Variants in STAU1 observed in about 807,000 individuals in gnomAD.
The protein encoded by STAU1 is double-stranded RNA-binding protein Staufen homolog 1.
Under a neutral mutation model 62.9 loss-of-function variants are expected in STAU1, and 13 were observed. The observed-to-expected ratio is 0.21, with a 90% CI of 0.13 to 0.33. The LOEUF is 0.33. Ranked by LOEUF, STAU1 falls within the 10% of genes least tolerant of loss-of-function variation. The pLI is 1.00. For synonymous variants in STAU1, 269 were observed against 265.1 expected (o/e 1.01, Z -0.14); for missense variants, 571 against 712.1 (o/e 0.80, Z 2.25).
intron 1 of STAU1, among the ~76,000 whole-genome samples, chr20:49,174,933 CAAAA>C (rs551431293): frequency 8.4e-5 from 5 of 59,460 alleles, no homozygotes; most frequent in Admixed American, 1.9e-4. Context: ...GACTCCGTCA[CAAAA>C]AAAAAAAAAA....
At chr20:49,160,250 C>A (rs1360404076) in intron 3 of STAU1, among the ~76,000 whole-genome samples, 1 of 152,214 alleles carries the variant, frequency 6.6e-6, no homozygotes, top group African/African-American at 2.4e-5. Context: ...CCGTATTATG[C>A]TACGGTGACT....
the STAU1 span, among the ~76,000 whole-genome samples, chr20:49,218,737 T>A: frequency 2.7e-4 from 41 of 152,080 alleles, no homozygotes; most frequent in South Asian, 8.1e-3. Context: ...CAATAAACAT[T>A]AATTTTAATT....
upstream of STAU1, among the ~76,000 whole-genome samples, chr20:49,189,607 G>A (rs563890369): frequency 2.3e-5 from 3 of 130,014 alleles, no homozygotes; most frequent in South Asian, 5.1e-4. Flanking sequence ...GCAACAGAGT[G>A]AGACTCTGTC....
At chr20:49,126,133 G>T (rs1373969870) in intron 6 of STAU1, among the ~76,000 whole-genome samples, 1 of 151,756 alleles carries the variant, frequency 6.6e-6, no homozygotes, top group Non-Finnish European at 1.5e-5. Context: ...CATGACTTTG[G>T]GTTTGGCAAT....
chr20:49,177,295 G>T (rs1253868895), intron 1 of STAU1, among the ~76,000 whole-genome samples: 1 of 151,974 alleles, frequency 6.6e-6, no homozygotes, highest in African/African-American at 2.4e-5. Context: ...CAGCACTTTG[G>T]GAGGCCGAGG....
At chr20:49,181,661 G>C (rs2093725548) in intron 1 of STAU1, among the ~76,000 whole-genome samples, 1 of 150,968 alleles carries the variant, frequency 6.6e-6, no homozygotes, top group South Asian at 2.1e-4. Context: ...AGCTACTCGG[G>C]AGGCTAAGGC....
chr20:49,124,195 C>G (rs994736288), intron 7 of STAU1, among the ~76,000 whole-genome samples, 180 bp downstream of exon 7: 2 of 152,224 alleles, frequency 1.3e-5, no homozygotes, highest in Non-Finnish European at 1.5e-5. Context: ...ACTGAACTGA[C>G]ACAATGTCCT....
In STAU1 at chr20:49,145,276, T is replaced by C. The variant is rs957752425; in HGVS notation, c.510+6306A>G. 1.2e-4 allele frequency among the ~76,000 whole-genome samples: 17 copies of C among 146,048 alleles called. 1 individual carries two copies. The highest frequency in any genetic ancestry group is 1.1e-3 in the Admixed American group (16 of 14,430). On this transcript the variant is annotated intron_variant, in intron 5 of 13. Transcript: ENST00000371856. ...CCATCTCTACTAAAAATACAAAAATTAGCCGGCGGTAGTGGCACGCACCTG... is the reference window on the plus strand; with the variant it reads ...CCATCTCTACTAAAAATACAAAAATCAGCCGGCGGTAGTGGCACGCACCTG...
At chr20:49,160,220 T>C (rs1300238653) in intron 3 of STAU1, among the ~76,000 whole-genome samples, 1 of 152,230 alleles carries the variant, frequency 6.6e-6, no homozygotes, top group Non-Finnish European at 1.5e-5. Flanking sequence ...TAGATGTGTC[T>C]GACTTCAAAG....
intron 3 of STAU1, among the ~76,000 whole-genome samples, chr20:49,154,813 G>A (rs1027098840): frequency 2.0e-5 from 3 of 151,648 alleles, no homozygotes; most frequent in Non-Finnish European, 2.9e-5. Flanking sequence ...TTGCAGTGAG[G>A]GTGGCTCACA....
At chr20:49,135,111 A>G (rs1384592364) in intron 6 of STAU1, 1 of 842,578 alleles carries the variant, frequency 1.2e-6, no homozygotes, top group Non-Finnish European at 2.0e-6. Context: ...CGTTTTATAT[A>G]GAAGAGAGAA....
chr20:49,144,736 C>T (rs1194962243), intron 5 of STAU1, among the ~76,000 whole-genome samples: 2 of 152,110 alleles, frequency 1.3e-5, no homozygotes, highest in African/African-American at 4.8e-5. Flanking sequence ...ATGCAATAGC[C>T]TAGGCAAGGC....
chr20:49,163,347 G>A (rs2093477907), intron 3 of STAU1, among the ~76,000 whole-genome samples: 1 of 148,080 alleles, frequency 6.8e-6, no homozygotes. Context: ...AAGAATATTG[G>A]TTTTAGGTTT....
At chr20:49,165,384 G>A (rs1416902528) in intron 3 of STAU1, among the ~76,000 whole-genome samples, 1 of 151,102 alleles carries the variant, frequency 6.6e-6, no homozygotes, top group Non-Finnish European at 1.5e-5. Flanking sequence ...TCTTGCCCAG[G>A]CTGGAGTGAA....
the STAU1 span, among the ~76,000 whole-genome samples, chr20:49,196,448 A>AC: frequency 6.7e-6 from 1 of 149,446 alleles, no homozygotes; most frequent in Admixed American, 6.7e-5. Context: ...ACAAAACAAA[A>AC]AAAAAAAAAA....
chr20:49,193,382 A>G, the STAU1 span, among the ~76,000 whole-genome samples: 137 of 148,930 alleles, frequency 9.2e-4, no homozygotes, highest in South Asian at 2.5e-3. Flanking sequence ...GTCTCTAAAG[A>G]AAAAAAAAAG....
At chr20:49,194,776 A>G in the STAU1 span, among the ~76,000 whole-genome samples, 1 of 151,724 alleles carries the variant, frequency 6.6e-6, no homozygotes, top group African/African-American at 2.4e-5. Context: ...ATGGGGTTTC[A>G]CTCTGTTGGC....
chr20:49,171,093 A>G (rs2093590991), intron 2 of STAU1, among the ~76,000 whole-genome samples: 1 of 152,256 alleles, frequency 6.6e-6, no homozygotes, highest in Non-Finnish European at 1.5e-5. Context: ...TCTTCCTCAA[A>G]GACACAAGAC....
chr20:49,166,416 T>C lies in STAU1; in HGVS notation c.-84-131A>G, dbSNP rs769182552. 14 of 555,932 alleles carry C rather than the reference T, an allele frequency of 2.5e-5. No individual in the cohort carries two copies. In the Admixed American group the frequency reaches 3.9e-4, roughly 15 times the overall value. The allele number at this position is 555,932 out of a possible 1,614,324, so 34.4% of individuals were successfully genotyped here. A position where few individuals can be genotyped will look rare whatever the true frequency, so the allele number is the denominator to read the frequency against. On this transcript the variant is annotated intron_variant, in intron 2 of 13. Transcript: ENST00000371856. ...TCCATTTAGCATGTAGCTATGTTGA[T>C]TTATTCGAAATATGTTTCTCCTTGG...
Sources: gnomAD v4.1 joint callset for allele counts (sites outside exome capture counted in the v4.1 genomes callset) on GRCh38, gnomAD v4.1.1 for gene constraint, MANE v1.5 for transcripts, NCBI Gene and HGNC (gene_info 2026-07-23, HGNC 2026-07-21) for gene names.